LRP1B: variants seen among roughly 807,000 people sequenced by gnomAD.
LRP1B encodes the protein LDL receptor related protein 1B.
LRP1B carries 217 observed loss-of-function variants against 556.6 expected under a neutral mutation model. That is an observed-to-expected ratio of 0.39 (90% CI 0.35 to 0.44). LRP1B has a LOEUF of 0.44. LRP1B is among the 20% of genes least tolerant of loss of function. The probability of loss-of-function intolerance (pLI) is 1.00; values close to 1 mark genes in which losing one functional copy is unlikely to be tolerated. For synonymous variants in LRP1B, 2,047 were observed against 1,865.8 expected, an observed-to-expected ratio of 1.10 and a Z score of -2.50; for missense variants, 5,053 against 5,620.8, an observed-to-expected ratio of 0.90 and a Z score of 3.23.
chr2:141,342,793 C>T (rs986581416), intron 3 of LRP1B, among the ~76,000 whole-genome samples: 1 of 152,138 alleles, frequency 6.6e-6, no homozygotes, highest in Non-Finnish European at 1.5e-5. Context: ...AATTGCAAAA[C>T]ACCCTTCAGG....
intron 46 of LRP1B, among the ~76,000 whole-genome samples, chr2:140,534,347 TA>T (rs1376415232): frequency 2.6e-5 from 4 of 152,184 alleles, no homozygotes; most frequent in African/African-American, 9.6e-5. Flanking sequence ...CTTAGTGTTT[TA>T]ACTTTAGTGA....
intron 1 of LRP1B, among the ~76,000 whole-genome samples, chr2:141,949,518 T>C (rs1256765578): frequency 6.6e-6 from 1 of 152,142 alleles, no homozygotes; most frequent in Admixed American, 6.6e-5. Context: ...GCTTGCCTAG[T>C]AGCTAGGATT....
chr2:140,996,921 A>G (rs1427510452), intron 15 of LRP1B, among the ~76,000 whole-genome samples: 1 of 151,998 alleles, frequency 6.6e-6, no homozygotes, highest in Non-Finnish European at 1.5e-5. Context: ...GACTGAATCT[A>G]CATAGCACTT....
chr2:141,569,210 A>G (rs1217838786), intron 2 of LRP1B, among the ~76,000 whole-genome samples: 1 of 151,272 alleles, frequency 6.6e-6, no homozygotes, highest in Non-Finnish European at 1.5e-5. Context: ...TAAATATCAT[A>G]TAAGAGGTAG....
intron 17 of LRP1B, among the ~76,000 whole-genome samples, chr2:140,983,995 C>T (rs16845080): frequency 0.027 from 4,047 of 151,494 alleles, 179 homozygotes; most frequent in African/African-American, 0.089. Context: ...GTCATCTATA[C>T]GAAAATGAAT....
intron 3 of LRP1B, among the ~76,000 whole-genome samples, chr2:141,453,476 T>C (rs1681501581): frequency 6.6e-6 from 1 of 152,328 alleles, no homozygotes; most frequent in Admixed American, 6.5e-5. Flanking sequence ...ATCTGAACTC[T>C]AATAATAGTT....
intron 1 of LRP1B, among the ~76,000 whole-genome samples, chr2:142,046,977 T>C (rs1251117594): frequency 6.6e-6 from 1 of 151,968 alleles, no homozygotes; most frequent in Non-Finnish European, 1.5e-5. Flanking sequence ...ACTTGGCCAA[T>C]ATCACAGCTA....
At chr2:140,474,331 C>T (rs1687882888) in intron 60 of LRP1B, among the ~76,000 whole-genome samples, 1 of 151,786 alleles carries the variant, frequency 6.6e-6, no homozygotes, top group African/African-American at 2.4e-5. Flanking sequence ...CTCATCCTTC[C>T]CTCCTCCAGG....
At chr2:141,024,673 C>G (rs1233484682) in intron 11 of LRP1B, among the ~76,000 whole-genome samples, 3 of 151,968 alleles carry the variant, frequency 2.0e-5, no homozygotes, top group African/African-American at 7.2e-5. Context: ...TACAAGTTTG[C>G]CTGTTTTTGT....
At chr2:140,973,048 C>CA (rs1696479954) in intron 18 of LRP1B, among the ~76,000 whole-genome samples, 4 of 63,102 alleles carry the variant, frequency 6.3e-5, no homozygotes, top group Non-Finnish European at 1.2e-4. Flanking sequence ...AAATATATTT[C>CA]ATTTTATATA....
intron 60 of LRP1B, among the ~76,000 whole-genome samples, chr2:140,458,439 T>A (rs193095449): frequency 1.3e-5 from 2 of 152,220 alleles, no homozygotes; most frequent in Admixed American, 6.5e-5. Flanking sequence ...ATCTGTTCAG[T>A]GGTTTGGGTT....
At chr2:141,524,281 A>ATATAT (rs1258253845) in intron 2 of LRP1B, among the ~76,000 whole-genome samples, 6 of 100,060 alleles carry the variant, frequency 6.0e-5, no homozygotes, top group East Asian at 5.3e-4. Flanking sequence ...TATATATATA[A>ATATAT]AACTCAATGC....
intron 18 of LRP1B, among the ~76,000 whole-genome samples, chr2:140,955,338 C>T (rs1371231977): frequency 6.6e-6 from 1 of 151,746 alleles, no homozygotes; most frequent in Admixed American, 6.6e-5. Flanking sequence ...TGGATACCTG[C>T]TCTGTTAAAA....
At position 140,433,510 on chromosome 2, in the gene LRP1B, G is replaced by A. The variant is rs750673545; in HGVS notation, c.10414+8994C>T. ...GAATTTTCATTGAGCCTGCCGCTCA[G>A]CATTTAATACGAATTGTTAGCACAC... On this transcript the variant is annotated intron_variant, in intron 66 of 90. Transcript: ENST00000389484. Among the ~76,000 whole-genome samples, 76 of 152,288 alleles carry A rather than the reference G, an allele frequency of 5.0e-4. 1 individual carries two copies. The highest frequency in any genetic ancestry group is 6.3e-4 in the Non-Finnish European group (43 of 68,024).
intron 32 of LRP1B, among the ~76,000 whole-genome samples, chr2:140,778,923 T>C (rs1454928314): frequency 6.6e-6 from 1 of 151,862 alleles, no homozygotes. Flanking sequence ...AATATAACTA[T>C]TAACATTAAA....
At chr2:140,517,609 T>G (rs1265781025) in intron 49 of LRP1B, among the ~76,000 whole-genome samples, 1 of 151,874 alleles carries the variant, frequency 6.6e-6, no homozygotes, top group African/African-American at 2.4e-5. Flanking sequence ...AGTACCTGTA[T>G]GTAAAATTAT....
At chr2:141,246,976 A>T (rs2105326189) in intron 5 of LRP1B, among the ~76,000 whole-genome samples, 1 of 152,260 alleles carries the variant, frequency 6.6e-6, no homozygotes, top group South Asian at 2.1e-4. Flanking sequence ...ATCTCAAAGA[A>T]AAAAAAGAAA....
chr2:140,944,141 C>T (rs1471002974), intron 20 of LRP1B, among the ~76,000 whole-genome samples: 3 of 152,038 alleles, frequency 2.0e-5, no homozygotes, highest in African/African-American at 7.2e-5. Context: ...ATTATGAACA[C>T]CTCTGTGTGT....
At chr2:140,860,666 G>A (rs149770264) in intron 27 of LRP1B, among the ~76,000 whole-genome samples, 1 of 150,410 alleles carries the variant, frequency 6.6e-6, no homozygotes, top group Non-Finnish European at 1.5e-5. Context: ...ATTCTTGAAA[G>A]ATTTTTTTTT....
Sources: allele counts gnomAD v4.1 joint callset (sites outside exome capture counted in the v4.1 genomes callset), GRCh38; gene constraint gnomAD v4.1.1; transcripts MANE v1.5; gene names NCBI Gene and HGNC (gene_info 2026-07-23, HGNC 2026-07-21).